The following SERPINB7 variants were observed in gnomAD, a reference collection of about 807,000 sequenced individuals.
SERPINB7 encodes the protein serpin B7.
Under a neutral mutation model 37.4 loss-of-function variants are expected in SERPINB7, and 31 were observed. The ratio of observed to expected loss-of-function variants is 0.83; its 90% CI spans 0.62 to 1.12. SERPINB7 has a LOEUF of 1.12. Among genes scored for constraint, SERPINB7 ranks in the 50% most tolerant of loss-of-function variants. SERPINB7 has a pLI of 0.00. For missense variants in SERPINB7, 521 were observed against 455.3 expected (o/e 1.14, Z -1.31); for synonymous variants, 163 against 166.1 (o/e 0.98, Z 0.14).
Position 63,798,709 on chromosome 18 carries a change from A to G in SERPINB7, c.560A>G (p.Lys187Arg). 3 of 1,613,290 alleles carry G rather than the reference A, an allele frequency of 1.9e-6. No homozygotes were observed. Among genetic ancestry groups the G allele is most frequent in the Non-Finnish European group, 2.5e-6 (3 of 1,179,708 alleles). ...GGCAAGTGGCAATCAGCCTTCACCAAGAGCGAAACCATAAATTGCCATTTC... is the reference window on the plus strand; with the variant it reads ...GGCAAGTGGCAATCAGCCTTCACCAGGAGCGAAACCATAAATTGCCATTTC... ...FKGKWQSAFT[K>R]SETINCHFKS... The change falls in exon 6 of 8, where the codon AAG (lysine) becomes AGG (arginine). Residue 187 changes from lysine to arginine, a missense_variant. By Grantham distance (26) the Lys-to-Arg change is conservative. Transcript: ENST00000398019.
At chr18:63,803,915 C>G (rs539319575) in intron 7 of SERPINB7, among the ~76,000 whole-genome samples, 4 of 152,154 alleles carry the variant, frequency 2.6e-5, no homozygotes, top group Non-Finnish European at 5.9e-5. Context: ...CTAATGGTCT[C>G]AAATTCCCAG....
At chr18:63,772,586 C>T (rs2049217609), upstream of SERPINB7, among the ~76,000 whole-genome samples, 1 of 152,088 alleles carries the variant, frequency 6.6e-6, no homozygotes, top group African/African-American at 2.4e-5. Flanking sequence ...GGACCAATTA[C>T]TGCATTTCTT....
chr18:63,780,524 C>T lies in SERPINB7; in HGVS notation c.-18-1831C>T, dbSNP rs113374585. The stretch of plus-strand genomic sequence containing the variant: ...TCGCATCCTGTATACCTAGTCCTAA[C>T]TTTCATTGTTTCTCGTCTCCTTTGT... On this transcript the variant is annotated intron_variant, in intron 1 of 7. Transcript: ENST00000398019. 5.7e-4 allele frequency among the ~76,000 whole-genome samples: 87 copies of T among 152,278 alleles called. 1 individual carries two copies. Among genetic ancestry groups the T allele is most frequent in the African/African-American group, 2.1e-3 (86 of 41,560 alleles).
At chr18:63,764,060 G>A (rs1035006782) in intron 1 of SERPINB7, among the ~76,000 whole-genome samples, 1 of 152,200 alleles carries the variant, frequency 6.6e-6, no homozygotes, top group Non-Finnish European at 1.5e-5. Flanking sequence ...TATGGTATGA[G>A]CTAAATTAGA....
chr18:63,759,440 G>A (rs2049140378), intron 1 of SERPINB7, among the ~76,000 whole-genome samples: 1 of 152,080 alleles, frequency 6.6e-6, no homozygotes, highest in Non-Finnish European at 1.5e-5. Context: ...GCATATGTAG[G>A]TTTTTTTCCT....
intron 1 of SERPINB7, among the ~76,000 whole-genome samples, chr18:63,764,515 G>C (rs1485387492): frequency 6.6e-6 from 1 of 152,070 alleles, no homozygotes; most frequent in Non-Finnish European, 1.5e-5. Context: ...CAAGCACCAA[G>C]GCTATTCTTA....
intron 7 of SERPINB7, 92 bp from the exon 8 acceptor site, chr18:63,804,145 G>T: frequency 1.1e-6 from 1 of 930,508 alleles, no homozygotes; most frequent in Non-Finnish European, 1.6e-6. Flanking sequence ...TCCAGGAAGC[G>T]ATAATTATAG....
intron 1 of SERPINB7, among the ~76,000 whole-genome samples, chr18:63,763,777 T>A (rs1317303637): frequency 1.3e-5 from 2 of 152,190 alleles, no homozygotes; most frequent in Non-Finnish European, 2.9e-5. Flanking sequence ...GTAAATAATA[T>A]TGTAGCTACT....
chr18:63,771,213 G>A (rs2049209372), upstream of SERPINB7, among the ~76,000 whole-genome samples: 1 of 152,024 alleles, frequency 6.6e-6, no homozygotes, highest in African/African-American at 2.4e-5. Flanking sequence ...TGAAAGTTCG[G>A]GGATGGGAAG....
chr18:63,773,364 C>T (rs144728169), upstream of SERPINB7, among the ~76,000 whole-genome samples: 1,471 of 152,182 alleles, frequency 9.7e-3, 16 homozygotes, highest in Non-Finnish European at 0.011. Context: ...TTAGGATGTG[C>T]AAAGAATATC....
upstream of SERPINB7, among the ~76,000 whole-genome samples, chr18:63,774,805 T>A (rs2049233279): frequency 6.6e-6 from 1 of 151,906 alleles, no homozygotes; most frequent in African/African-American, 2.4e-5. Context: ...CCAGTTGCAA[T>A]AACTAACAGG....
chr18:63,762,180 C>T (rs1392020620), intron 1 of SERPINB7, among the ~76,000 whole-genome samples: 2 of 152,134 alleles, frequency 1.3e-5, no homozygotes, highest in East Asian at 1.9e-4. Flanking sequence ...AAGCCCAGCA[C>T]CCACCAGGCC....
chr18:63,802,313 T>C (rs1008276463), intron 7 of SERPINB7, among the ~76,000 whole-genome samples: 2 of 152,174 alleles, frequency 1.3e-5, no homozygotes, highest in African/African-American at 2.4e-5. Flanking sequence ...CTGATCTTTT[T>C]TCAGCCCTTT....
At chr18:63,753,715 T>A (rs2049104936) in intron 1 of SERPINB7, among the ~76,000 whole-genome samples, 1 of 152,200 alleles carries the variant, frequency 6.6e-6, no homozygotes, top group Non-Finnish European at 1.5e-5. Context: ...TGTTGGACAT[T>A]CCTTGTTGAT....
At chr18:63,758,878 C>A (rs2049136777) in intron 1 of SERPINB7, among the ~76,000 whole-genome samples, 1 of 152,216 alleles carries the variant, frequency 6.6e-6, no homozygotes, top group Non-Finnish European at 1.5e-5. Flanking sequence ...AGAGCAAGAA[C>A]TGTGCTGAGT....
intron 7 of SERPINB7, among the ~76,000 whole-genome samples, chr18:63,803,979 A>G (rs994480263): frequency 2.0e-5 from 3 of 152,184 alleles, no homozygotes; most frequent in African/African-American, 7.2e-5. Context: ...ATGGGTGAGC[A>G]GAGAGTGGAA....
chr18:63,772,117 C>T (rs897569933), upstream of SERPINB7, among the ~76,000 whole-genome samples: 1 of 151,916 alleles, frequency 6.6e-6, no homozygotes, highest in Non-Finnish European at 1.5e-5. Context: ...GGGAGAGGAT[C>T]AACTGCTTCT....
chr18:63,765,715 A>C (rs953619529), intron 1 of SERPINB7, among the ~76,000 whole-genome samples: 1 of 152,060 alleles, frequency 6.6e-6, no homozygotes, highest in African/African-American at 2.4e-5. Flanking sequence ...ATCCTGACTT[A>C]GATTTATTTC....
At position 63,796,345 on chromosome 18, in the gene SERPINB7, G is replaced by C. The variant is rs148879660; in HGVS notation, c.416G>C (p.Arg139Thr). The C allele has an allele frequency of 8.1e-6, 13 of 1,610,458 alleles. No homozygotes were observed. The highest frequency in any genetic ancestry group is 3.3e-5 in the Admixed American group (2 of 59,956). ...VDFTNHLEDT[R>T]RNINKWVENE... Reference sequence around the variant, plus strand: ...TTTACGAATCATTTAGAAGACACTAGACGTAATATTAATAAGTGGGTTGAA... The same window carrying C: ...TTTACGAATCATTTAGAAGACACTACACGTAATATTAATAAGTGGGTTGAA... The change falls in exon 5 of 8, where the codon AGA becomes ACA. Residue 139 changes from arginine to threonine, a missense_variant. Coordinates refer to ENST00000398019, the MANE Select transcript of SERPINB7 (RefSeq NM_003784.4).
Sources: gnomAD v4.1 joint callset for allele counts (sites outside exome capture counted in the v4.1 genomes callset) on GRCh38, gnomAD v4.1.1 for gene constraint, MANE v1.5 for transcripts, NCBI Gene and HGNC (gene_info 2026-07-23, HGNC 2026-07-21) for gene names.